MED13L: variants seen among roughly 807,000 people sequenced by gnomAD.
MED13L encodes mediator complex subunit 13L, also known as mediator of RNA polymerase II transcription subunit 13-like.
Under a neutral mutation model 220.9 loss-of-function variants are expected in MED13L, and 7 were observed. The ratio of observed to expected loss-of-function variants is 0.03; its 90% confidence interval spans 0.02 to 0.06. MED13L has a LOEUF of 0.06. Ranked by LOEUF, MED13L falls within the 10% of genes least tolerant of loss-of-function variation. The pLI is 1.00. For synonymous variants in MED13L, 1,011 were observed against 1,015.2 expected (o/e 1.00, Z 0.08); for missense variants, 1,965 against 2,760.5 (o/e 0.71, Z 6.46).
chr12:116,156,825 T>C (rs1878479259), intron 2 of MED13L, among the ~76,000 whole-genome samples: 1 of 152,102 alleles, frequency 6.6e-6, no homozygotes, highest in Non-Finnish European at 1.5e-5. Context: ...TAGAGCAAAA[T>C]ATCTCCCTTT....
intron 8 of MED13L, 76 bp downstream of exon 8, chr12:116,015,033 G>A (rs1879639704): frequency 7.0e-7 from 1 of 1,431,498 alleles, no homozygotes; most frequent in African/African-American, 1.4e-5. Context: ...ATAGTGCAAT[G>A]TGATTGACAT....
intron 2 of MED13L, among the ~76,000 whole-genome samples, chr12:116,141,423 T>G (rs950093788): frequency 1.3e-5 from 2 of 152,184 alleles, no homozygotes; most frequent in African/African-American, 4.8e-5. Flanking sequence ...CAAAACGAAC[T>G]GAAAACACAG....
At chr12:116,092,285 G>A (rs1872291253) in intron 4 of MED13L, among the ~76,000 whole-genome samples, 1 of 152,160 alleles carries the variant, frequency 6.6e-6, no homozygotes. Flanking sequence ...TCACCTTCTA[G>A]ACTAGGGATC....
intron 2 of MED13L, among the ~76,000 whole-genome samples, chr12:116,117,971 G>A (rs1874675140): frequency 6.6e-6 from 1 of 152,076 alleles, no homozygotes; most frequent in Non-Finnish European, 1.5e-5. Context: ...ACCATGCCCA[G>A]TTACTTTTTA....
chr12:116,259,144 G>C (rs1003275480), intron 1 of MED13L, among the ~76,000 whole-genome samples: 1 of 152,014 alleles, frequency 6.6e-6, no homozygotes, highest in African/African-American at 2.4e-5. Context: ...ACAAACAATA[G>C]TACATCCATC....
At chr12:116,158,484 C>T (rs1326501872) in intron 2 of MED13L, among the ~76,000 whole-genome samples, 6 of 152,112 alleles carry the variant, frequency 3.9e-5, no homozygotes, top group Admixed American at 1.3e-4. Flanking sequence ...TATATGTCTA[C>T]GTCTGTAGAA....
intron 1 of MED13L, among the ~76,000 whole-genome samples, chr12:116,256,360 C>G (rs986013073): frequency 1.3e-5 from 2 of 150,296 alleles, no homozygotes; most frequent in African/African-American, 2.4e-5. Flanking sequence ...CTATATGATT[C>G]CATTTATTAA....
chr12:115,990,682 G>T (rs888823434), intron 17 of MED13L, among the ~76,000 whole-genome samples: 1 of 152,148 alleles, frequency 6.6e-6, no homozygotes, highest in Non-Finnish European at 1.5e-5. Context: ...GAAGAATGGT[G>T]GATTTAAGCA....
intron 7 of MED13L, among the ~76,000 whole-genome samples, chr12:116,017,393 T>A (rs943548643): frequency 6.6e-6 from 1 of 152,184 alleles, no homozygotes; most frequent in African/African-American, 2.4e-5. Flanking sequence ...AGATAACAAG[T>A]GGATAACTTA....
At chr12:115,982,276 A>C in intron 22 of MED13L, 108 bp downstream of exon 22, 2 of 1,180,550 alleles carry the variant, frequency 1.7e-6, no homozygotes, top group East Asian at 5.1e-5. Flanking sequence ...GTTAGGGGAT[A>C]ATTAACCTGT....
intron 4 of MED13L, among the ~76,000 whole-genome samples, chr12:116,076,597 G>T (rs1013387981): frequency 6.6e-6 from 1 of 152,068 alleles, no homozygotes; most frequent in South Asian, 2.1e-4. Context: ...ACAGTCCCAG[G>T]GCACATTAAT....
At chr12:116,009,682 A>C (rs913006778) in intron 9 of MED13L, among the ~76,000 whole-genome samples, 1 of 152,242 alleles carries the variant, frequency 6.6e-6, no homozygotes, top group African/African-American at 2.4e-5. Context: ...TAGAAACTTT[A>C]TGTGCCACTA....
At chr12:116,232,978 T>C (rs972178965) in intron 2 of MED13L, among the ~76,000 whole-genome samples, 3 of 149,678 alleles carry the variant, frequency 2.0e-5, no homozygotes, top group Non-Finnish European at 2.9e-5. Context: ...TCCCAGCTAC[T>C]CAGAAGGCTG....
chr12:116,120,469 TCTCTCTCTCACACA>T (rs1328379163), intron 2 of MED13L, among the ~76,000 whole-genome samples: 217 of 129,766 alleles, frequency 1.7e-3, no homozygotes, highest in Middle Eastern at 7.7e-3. Flanking sequence ...TCTCTCTCTC[TCTCTCTCTCACACA>T]CACACACACA....
chr12:116,113,240 C>G (rs977469178), intron 2 of MED13L, among the ~76,000 whole-genome samples: 3 of 152,136 alleles, frequency 2.0e-5, no homozygotes, highest in Non-Finnish European at 4.4e-5. Flanking sequence ...TGATGCAGCA[C>G]TTGTGAAGAG....
At chr12:115,980,964 AC>A (rs752523616) in intron 22 of MED13L, 26 bp from the exon 23 acceptor site, 5 of 1,594,582 alleles carry the variant, frequency 3.1e-6, no homozygotes, top group Non-Finnish European at 4.3e-6. Context: ...CAAAAAAAAA[AC>A]AAAAACCAAA....
rs535775672 is a variant in MED13L, at chr12:116,146,798, G to A, written c.311-35286C>T. 3.3e-5 allele frequency among the ~76,000 whole-genome samples: 5 copies of A among 151,898 alleles called. No homozygotes were observed. The East Asian group carries it at 9.7e-4, about 29-fold the overall frequency. On this transcript the variant is annotated intron_variant, in intron 2 of 30. Transcript: ENST00000281928. ...CACAAAAATTGCTTGAACCCAGGAG[G>A]CGAAAGTTGCAGTGAGCCAAGATCG...
In MED13L at chr12:116,186,650, A is replaced by G. The variant is rs140993006; in HGVS notation, c.310+50818T>C. On this transcript the variant is annotated intron_variant, in intron 2 of 30. Transcript: ENST00000281928. ...ACATCTTTACAGTGAGGAAAGTGCA[A>G]AAGCTGGTACTAAAGTCCAAGCTTT... Among the ~76,000 whole-genome samples, 4 of 152,292 alleles carry G rather than the reference A, an allele frequency of 2.6e-5. No individual in the cohort carries two copies. The East Asian group carries it at 7.7e-4, about 29-fold the overall frequency.
At chr12:116,261,016 A>G (rs1018982920) in intron 1 of MED13L, among the ~76,000 whole-genome samples, 4 of 151,866 alleles carry the variant, frequency 2.6e-5, no homozygotes, top group Non-Finnish European at 5.9e-5. Context: ...TTCCATGCCC[A>G]TTTCTTATAA....
Sources: gnomAD v4.1 joint callset for allele counts (sites outside exome capture counted in the v4.1 genomes callset) on GRCh38, gnomAD v4.1.1 for gene constraint, MANE v1.5 for transcripts, NCBI Gene and HGNC (gene_info 2026-07-23, HGNC 2026-07-21) for gene names.